The following PRKG1 variants were observed in gnomAD, a reference collection of about 807,000 sequenced individuals.
The protein encoded by PRKG1 is cGMP-dependent protein kinase 1.
PRKG1 carries 35 observed loss-of-function variants against 88.1 expected under a neutral mutation model. That is an observed-to-expected ratio of 0.40 (90% confidence interval 0.30 to 0.53). The LOEUF (loss-of-function observed/expected upper bound fraction) is 0.53, where lower values mean the gene tolerates loss of function less well. Ranked by LOEUF, PRKG1 falls within the 20% of genes least tolerant of loss-of-function variation. The pLI, the probability that PRKG1 is intolerant of heterozygous loss-of-function variation, is 0.59. For missense variants in PRKG1, 540 were observed against 839.8 expected (o/e 0.64, Z 4.41); for synonymous variants, 303 against 292.5 (o/e 1.04, Z -0.37).
At chr10:51,914,286 T>C (rs1399396164) in intron 5 of PRKG1, among the ~76,000 whole-genome samples, 1 of 6,288 alleles carries the variant, frequency 1.6e-4, no homozygotes, top group African/African-American at 1.7e-3. Flanking sequence ...AAGCAGCAAA[T>C]AAAAACTTTT....
At chr10:52,110,176 G>A (rs1264154131) in intron 7 of PRKG1, among the ~76,000 whole-genome samples, 16 of 151,626 alleles carry the variant, frequency 1.1e-4, no homozygotes, top group Admixed American at 3.3e-4. Flanking sequence ...GTGAAACCCC[G>A]TCTCTACTAA....
intron 3 of PRKG1, among the ~76,000 whole-genome samples, chr10:51,607,057 A>C (rs1195021288): frequency 6.6e-6 from 1 of 152,178 alleles, no homozygotes; most frequent in East Asian, 1.9e-4. Context: ...TCTGCTGATG[A>C]AAAGCCCAGT....
chr10:52,203,823 A>G (rs1397580843), intron 9 of PRKG1, among the ~76,000 whole-genome samples: 1 of 152,160 alleles, frequency 6.6e-6, no homozygotes, highest in Non-Finnish European at 1.5e-5. Context: ...GTCTGAAGTT[A>G]GAATAGCAAC....
At chr10:51,244,184 G>T (rs1410590875) in intron 2 of PRKG1, among the ~76,000 whole-genome samples, 1 of 151,940 alleles carries the variant, frequency 6.6e-6, no homozygotes, top group Admixed American at 6.6e-5. Context: ...TACATAAAAT[G>T]TAATACCTAT....
chr10:51,777,983 G>C (rs59396999), intron 3 of PRKG1, among the ~76,000 whole-genome samples: 1,674 of 152,128 alleles, frequency 0.011, 34 homozygotes, highest in African/African-American at 0.039. Flanking sequence ...TTGTTTGGTT[G>C]TACCATAGTT....
intron 1 of PRKG1, among the ~76,000 whole-genome samples, chr10:51,090,518 C>A (rs978236322): frequency 6.6e-6 from 1 of 151,960 alleles, no homozygotes; most frequent in Non-Finnish European, 1.5e-5. Context: ...TACAGGCCTA[C>A]CAAAAATTTA....
chr10:51,300,107 A>G (rs1840842292), intron 2 of PRKG1, among the ~76,000 whole-genome samples: 1 of 152,234 alleles, frequency 6.6e-6, no homozygotes, highest in Non-Finnish European at 1.5e-5. Context: ...AAGAGAGTAG[A>G]ACCTTGTCTT....
intron 5 of PRKG1, among the ~76,000 whole-genome samples, chr10:52,054,108 C>G (rs758338962): frequency 2.0e-4 from 31 of 152,020 alleles, no homozygotes; most frequent in Non-Finnish European, 4.3e-4. Context: ...TTTCATCAAA[C>G]AATCGAAATG....
At chr10:51,312,337 C>G (rs763796642) in intron 2 of PRKG1, among the ~76,000 whole-genome samples, 2 of 152,178 alleles carry the variant, frequency 1.3e-5, no homozygotes, top group African/African-American at 2.4e-5. Context: ...ACAAAACTCT[C>G]ACTCAACATT....
intron 1 of PRKG1, among the ~76,000 whole-genome samples, chr10:50,992,191 T>C (rs2660216): frequency 0.9 from 136,000 of 151,804 alleles, 61,086 homozygotes; most frequent in African/African-American, 0.96. Context: ...TGCTGGCGGA[T>C]GCGGGGACAG....
At chr10:52,096,063 GCAA>G (rs1481612050) in intron 7 of PRKG1, among the ~76,000 whole-genome samples, 2 of 152,136 alleles carry the variant, frequency 1.3e-5, no homozygotes, top group African/African-American at 4.8e-5. Context: ...TCCAGAGGGA[GCAA>G]CATCTGTACT....
At chr10:51,302,330 C>T (rs1022990920) in intron 2 of PRKG1, among the ~76,000 whole-genome samples, 1 of 151,968 alleles carries the variant, frequency 6.6e-6, no homozygotes, top group Non-Finnish European at 1.5e-5. Context: ...AGAATTATTC[C>T]CTGTAAAATA....
intron 3 of PRKG1, among the ~76,000 whole-genome samples, chr10:51,747,491 A>G (rs1837611019): frequency 6.6e-6 from 1 of 152,168 alleles, no homozygotes; most frequent in Non-Finnish European, 1.5e-5. Context: ...AGGACATGTG[A>G]ACTCAAGGGA....
intron 3 of PRKG1, among the ~76,000 whole-genome samples, chr10:51,740,982 C>T (rs1349424089): frequency 3.3e-5 from 5 of 151,300 alleles, no homozygotes; most frequent in African/African-American, 1.2e-4. Context: ...CTTTCTCTTC[C>T]TTGCTTGCAT....
intron 3 of PRKG1, among the ~76,000 whole-genome samples, chr10:51,630,070 G>A (rs1450993459): frequency 6.6e-6 from 1 of 152,180 alleles, no homozygotes; most frequent in Non-Finnish European, 1.5e-5. Flanking sequence ...CACAAGTTAA[G>A]CAAGTTTTGC....
chr10:52,103,129 G>A (rs2132570955), intron 7 of PRKG1, among the ~76,000 whole-genome samples: 1 of 152,264 alleles, frequency 6.6e-6, no homozygotes, highest in East Asian at 1.9e-4. Context: ...CTAATGATCT[G>A]AGGTGGAACA....
chr10:51,007,634 G>C (rs1008156183), intron 1 of PRKG1, among the ~76,000 whole-genome samples: 1 of 152,064 alleles, frequency 6.6e-6, no homozygotes, highest in Non-Finnish European at 1.5e-5. Context: ...TAACATCTTT[G>C]ACCTTCAATT....
Position 51,156,433 on chromosome 10 carries a change from C to A in PRKG1, c.478+3103C>A, listed in dbSNP as rs114824758. On this transcript the variant is annotated intron_variant, in intron 2 of 17. Coordinates refer to ENST00000373980, the MANE Select transcript of PRKG1 (RefSeq NM_006258.4). ...CTTCACGATAATTTTAATAAATTTT[C>A]TTTATCTTCCTTTTATTGCTAGATT... 4.3e-3 allele frequency among the ~76,000 whole-genome samples: 659 copies of A among 151,928 alleles called. 10 individuals are homozygous for A. The highest frequency in any genetic ancestry group is 0.015 in the African/African-American group (641 of 41,500).
intron 1 of PRKG1, among the ~76,000 whole-genome samples, chr10:51,122,327 G>A (rs9415724): frequency 0.8 from 121,043 of 151,942 alleles, 48,786 homozygotes; most frequent in South Asian, 0.88. Flanking sequence ...TGAGACATCC[G>A]TCTTACTGGG....
Sources: gnomAD v4.1 joint callset for allele counts (sites outside exome capture counted in the v4.1 genomes callset) on GRCh38, gnomAD v4.1.1 for gene constraint, MANE v1.5 for transcripts, NCBI Gene and HGNC (gene_info 2026-07-23, HGNC 2026-07-21) for gene names.